The following TMPRSS15 variants were observed in gnomAD, a reference collection of about 807,000 sequenced individuals.
TMPRSS15 encodes the protein enteropeptidase.
In TMPRSS15, 128 loss-of-function variants were observed where a neutral mutation model predicts 125.3. The ratio of observed to expected loss-of-function variants is 1.02; its 90% CI spans 0.89 to 1.18. TMPRSS15 has a LOEUF of 1.18. Ranked by LOEUF, TMPRSS15 falls within the 50% of genes most tolerant of loss-of-function variation. The pLI is 0.00. For synonymous variants in TMPRSS15, 446 were observed against 423.2 expected (o/e 1.05, Z -0.66); for missense variants, 1,283 against 1,212.7 (o/e 1.06, Z -0.86).
chr21:18,466,669 A>G (rs906531027), intron 1 of TMPRSS15, among the ~76,000 whole-genome samples: 1 of 152,232 alleles, frequency 6.6e-6, no homozygotes, highest in African/African-American at 2.4e-5. Flanking sequence ...AAAGCTCAAC[A>G]ACACTGGTCA....
intron 12 of TMPRSS15, 27 bp from the exon 13 acceptor site, chr21:18,341,575 G>A (rs767178876): frequency 2.6e-5 from 42 of 1,612,742 alleles, no homozygotes; most frequent in Non-Finnish European, 3.4e-5. Context: ...CATATGAAAC[G>A]ATTTGATTCC....
At chr21:18,341,388 C>T in intron 13 of TMPRSS15, 25 bp downstream of exon 13, 2 of 1,613,942 alleles carry the variant, frequency 1.2e-6, no homozygotes, top group African/African-American at 1.3e-5. Flanking sequence ...TTTAATAAGA[C>T]AAAATACACA....
intron 1 of TMPRSS15, among the ~76,000 whole-genome samples, chr21:18,445,210 T>C: frequency 1.3e-5 from 1 of 74,986 alleles, no homozygotes; most frequent in Non-Finnish European, 4.6e-5. Flanking sequence ...TACCACATTT[T>C]TTTTTTTTTT....
chr21:18,289,729 T>C (rs966338427), intron 21 of TMPRSS15, among the ~76,000 whole-genome samples: 1 of 152,226 alleles, frequency 6.6e-6, no homozygotes, highest in Non-Finnish European at 1.5e-5. Flanking sequence ...ACTAATTTCA[T>C]CTTTAATAGA....
chr21:18,344,481 A>C (rs1034355255), intron 10 of TMPRSS15, among the ~76,000 whole-genome samples: 17 of 152,208 alleles, frequency 1.1e-4, no homozygotes, highest in Admixed American at 5.9e-4. Flanking sequence ...TTTGAAGGCA[A>C]ATTTAAGAGT....
At chr21:18,337,272 TAA>T (rs1467228520) in intron 13 of TMPRSS15, among the ~76,000 whole-genome samples, 5 of 152,152 alleles carry the variant, frequency 3.3e-5, no homozygotes, top group African/African-American at 4.8e-5. Context: ...ACTGTGGAAA[TAA>T]AGAGTGAATA....
chr21:18,439,490 G>C (rs2824831), intron 1 of TMPRSS15, among the ~76,000 whole-genome samples: 74,149 of 151,968 alleles, frequency 0.49, 18,671 homozygotes, highest in Non-Finnish European at 0.55. Context: ...TTTAAACATA[G>C]AACATTTAAG....
rs1455115481 is a variant in TMPRSS15, at chr21:18,414,439, T to C, written c.11-16110A>G. 2.0e-5 allele frequency among the ~76,000 whole-genome samples: 3 copies of C among 152,246 alleles called. No individual in the cohort carries two copies. The East Asian group carries it at 5.8e-4, about 29-fold the overall frequency. On this transcript the variant is annotated intron_variant, in intron 1 of 7. Coordinates refer to the TMPRSS15 transcript ENST00000422787. ...ATCATATTGTTAACTCTAGGCACTA[T>C]GTTATACAGCAAATTTCTATAACCA... is the stretch of plus-strand genomic sequence containing the variant.
At chr21:18,353,359 A>G (rs1477823158) in intron 9 of TMPRSS15, among the ~76,000 whole-genome samples, 2 of 151,828 alleles carry the variant, frequency 1.3e-5, no homozygotes, top group African/African-American at 2.4e-5. Context: ...ACTTTGTTCC[A>G]TATTTTTCTC....
chr21:18,413,218 T>TCTTC lies in TMPRSS15; in HGVS notation c.11-14893_11-14890dup, dbSNP rs1007801115. Among the ~76,000 whole-genome samples the TCTTC allele has an allele frequency of 1.6e-3, 219 of 135,534 alleles. 3 individuals carry two copies. Among genetic ancestry groups the TCTTC allele is most frequent in the African/African-American group, 5.6e-3 (207 of 37,168 alleles). 88.9% of individuals were successfully genotyped at this position (135,534 alleles called of 152,430 possible). On this transcript the variant is annotated intron_variant, in intron 1 of 7. Coordinates refer to the TMPRSS15 transcript ENST00000422787. ...TGCCTTCCCTCCCTCCCTCCCTTCC[T>TCTTC]CTTCCTTCCTTCCTTTTCTCTCTCT... is the stretch of plus-strand genomic sequence containing the variant.
intron 22 of TMPRSS15, among the ~76,000 whole-genome samples, chr21:18,280,338 A>G (rs992695684): frequency 6.6e-6 from 1 of 152,132 alleles, no homozygotes. Flanking sequence ...GCACTTTGGG[A>G]GGGCAAGGTG....
chr21:18,463,794 C>G (rs2122954162), intron 1 of TMPRSS15, among the ~76,000 whole-genome samples: 4 of 152,154 alleles, frequency 2.6e-5, no homozygotes, highest in Non-Finnish European at 5.9e-5. Context: ...GATTAAGAAA[C>G]TCATTCAAAA....
At chr21:18,301,509 A>C (rs1601298848) in intron 18 of TMPRSS15, among the ~76,000 whole-genome samples, 1 of 152,212 alleles carries the variant, frequency 6.6e-6, no homozygotes, top group South Asian at 2.1e-4. Flanking sequence ...GAAATGTATT[A>C]TATTAAGTTC....
chr21:18,366,821 A>C (rs545532767), intron 6 of TMPRSS15, among the ~76,000 whole-genome samples: 1 of 152,248 alleles, frequency 6.6e-6, no homozygotes, highest in African/African-American at 2.4e-5. Context: ...TGTGTTTGGA[A>C]TCTGAGTGTT....
In TMPRSS15 at chr21:18,315,273, T is replaced by C. The variant is rs1416683681; in HGVS notation, c.1922-17A>G. 6.3e-7 allele frequency: 1 copy of C among 1,587,622 alleles called. No homozygotes were observed. The highest frequency in any genetic ancestry group is 8.6e-7 in the Non-Finnish European group (1 of 1,157,752). ...TGCATGGCTCTATGGGGAAAGAATG[T>C]TTATTGTATAGGATAAAGAAAACAC... On this transcript the variant is annotated splice_polypyrimidine_tract_variant and intron_variant, in intron 16 of 24. Coordinates refer to ENST00000284885, the MANE Select transcript of TMPRSS15 (RefSeq NM_002772.3).
At chr21:18,461,654 G>T (rs1978553165) in intron 1 of TMPRSS15, among the ~76,000 whole-genome samples, 1 of 152,022 alleles carries the variant, frequency 6.6e-6, no homozygotes, top group South Asian at 2.1e-4. Context: ...AATAGTTTAT[G>T]AAATAAAATT....
intron 1 of TMPRSS15, among the ~76,000 whole-genome samples, chr21:18,469,354 T>G (rs914672700): frequency 1.3e-5 from 2 of 152,164 alleles, no homozygotes; most frequent in African/African-American, 2.4e-5. Flanking sequence ...CATTTTAGAA[T>G]TTTCCTGAGG....
intron 1 of TMPRSS15, among the ~76,000 whole-genome samples, chr21:18,446,359 T>C: frequency 6.6e-6 from 1 of 152,196 alleles, no homozygotes. Flanking sequence ...ATTAATTCTG[T>C]AAAAATAACA....
chr21:18,451,336 C>G (rs918244366), intron 1 of TMPRSS15, among the ~76,000 whole-genome samples: 1 of 150,680 alleles, frequency 6.6e-6, no homozygotes, highest in Non-Finnish European at 1.5e-5. Flanking sequence ...AGCTACTGAA[C>G]TAAATGTCTG....
Sources: allele counts gnomAD v4.1 joint callset (sites outside exome capture counted in the v4.1 genomes callset), GRCh38; gene constraint gnomAD v4.1.1; transcripts MANE v1.5; gene names NCBI Gene and HGNC (gene_info 2026-07-23, HGNC 2026-07-21).